IL36B: variants seen among roughly 807,000 people sequenced by gnomAD.
IL36B encodes interleukin 36 beta.
In IL36B, 23 loss-of-function variants were observed where a neutral mutation model predicts 19.3. The observed-to-expected ratio is 1.19, with a 90% CI of 0.86 to 1.69. The LOEUF (loss-of-function observed/expected upper bound fraction) is 1.69, where lower values mean the gene tolerates loss of function less well. Ranked by LOEUF, IL36B falls within the 40% of genes most tolerant of loss-of-function variation. The probability of loss-of-function intolerance (pLI) is 0.00; values close to 1 mark genes in which losing one functional copy is unlikely to be tolerated. For missense variants in IL36B, 217 were observed against 200.5 expected (o/e 1.08, Z -0.50); for synonymous variants, 59 against 59.7 (o/e 0.99, Z 0.05).
At position 113,029,049 on chromosome 2, in the gene IL36B, T is replaced by C. The variant is rs773313455; in HGVS notation, c.151A>G (p.Thr51Ala). ...CCCTTTTCCTTGTCACTGAATTCTG[T>C]GTCTCTACAGGCTATTAAATGAAGA... The change falls in exon 4 of 6, where the codon ACA (threonine) becomes GCA (alanine). Residue 51 changes from threonine to alanine, a missense_variant. Thr to Ala is a moderately conservative substitution (Grantham distance 58). Coordinates refer to ENST00000259213, the MANE Select transcript of IL36B (RefSeq NM_014438.5). The C allele has an allele frequency of 7.4e-6, 12 of 1,613,742 alleles. No homozygotes were observed. The South Asian group carries it at 1.1e-4, about 15-fold the overall frequency.
chr2:113,042,578 G>T (rs1235949457), intron 1 of IL36B, among the ~76,000 whole-genome samples: 1 of 152,120 alleles, frequency 6.6e-6, no homozygotes, highest in Non-Finnish European at 1.5e-5. Context: ...ATATAAAGGG[G>T]ATCCCCCAGT....
At chr2:113,043,603 C>T (rs1348048762) in intron 1 of IL36B, among the ~76,000 whole-genome samples, 1 of 152,156 alleles carries the variant, frequency 6.6e-6, no homozygotes, top group African/African-American at 2.4e-5. Context: ...GCTCTGTCGC[C>T]CAGGCTGGAG....
Position 113,031,770 on chromosome 2 carries a change from T to A in IL36B, c.-57-4A>T. 5.1e-6 allele frequency: 7 copies of A among 1,360,244 alleles called. No individual in the cohort carries two copies. The highest frequency in any genetic ancestry group is 7.3e-6 in the Non-Finnish European group (7 of 955,004). The allele number at this position is 1,360,244 out of a possible 1,614,324, so 84.3% of individuals were successfully genotyped here. A position where few individuals can be genotyped will look rare whatever the true frequency, so the allele number is the denominator to read the frequency against. On this transcript the variant is annotated splice_polypyrimidine_tract_variant and splice_region_variant and intron_variant, in intron 1 of 5. Transcript: ENST00000259213. ...AGATCAGATGGTGGTGAGGAGGCTGTTAACAGTTGGCCATGTGAGAGAAGG... is the reference window on the plus strand; with the variant it reads ...AGATCAGATGGTGGTGAGGAGGCTGATAACAGTTGGCCATGTGAGAGAAGG...
intron 1 of IL36B, among the ~76,000 whole-genome samples, chr2:113,048,168 T>C (rs1299176321): frequency 1.3e-5 from 2 of 152,230 alleles, no homozygotes; most frequent in Non-Finnish European, 2.9e-5. Flanking sequence ...TGGAGAAAGA[T>C]GTATCATGCA....
chr2:113,032,648 A>G (rs1426560330), intron 1 of IL36B, among the ~76,000 whole-genome samples: 1 of 152,226 alleles, frequency 6.6e-6, no homozygotes, highest in Non-Finnish European at 1.5e-5. Context: ...TCTAAGCAGC[A>G]GAAGTTACCT....
rs1573364377 is a variant in IL36B, at chr2:113,026,118, A to G, written c.376T>C (p.Trp126Arg). 1 of 1,613,752 alleles carries G rather than the reference A, an allele frequency of 6.2e-7. No homozygotes were observed. ...TGCTCCTCACCCACTCCTATTCCCCATTGGTCAAGGGTTCCCATGAAGCAG... is the reference window on the plus strand; with the variant it reads ...TGCTCCTCACCCACTCCTATTCCCCGTTGGTCAAGGGTTCCCATGAAGCAG... The change falls in exon 5 of 6, where the codon TGG (tryptophan) becomes CGG (arginine). Residue 126 changes from tryptophan (W) to arginine (R), a missense_variant. By Grantham distance (101) the Trp-to-Arg change is moderately radical (BLOSUM62 -3). Coordinates refer to ENST00000259213, the MANE Select transcript of IL36B (RefSeq NM_014438.5).
chr2:113,024,588 A>C (rs1405401151), intron 5 of IL36B, among the ~76,000 whole-genome samples: 1 of 152,200 alleles, frequency 6.6e-6, no homozygotes. Context: ...AAAATATTTG[A>C]GGACACCTCT....
intron 5 of IL36B, among the ~76,000 whole-genome samples, chr2:113,025,078 C>G: frequency 6.6e-6 from 1 of 152,178 alleles, no homozygotes. Flanking sequence ...AGACTGTGCA[C>G]CGAGCCCTCC....
chr2:113,032,133 CTG>C (rs56385654), intron 1 of IL36B, among the ~76,000 whole-genome samples: 27,379 of 143,792 alleles, frequency 0.19, 2,539 homozygotes, highest in Middle Eastern at 0.27. Flanking sequence ...GTGTGTGTGT[CTG>C]TGTGTGTGTG....
chr2:113,037,447 T>G (rs1291177617), intron 1 of IL36B, among the ~76,000 whole-genome samples: 2 of 152,104 alleles, frequency 1.3e-5, no homozygotes, highest in African/African-American at 4.8e-5. Context: ...GTTGGGAGTT[T>G]GAGACCAGCC....
Position 113,034,380 on chromosome 2 carries a change from G to C in IL36B, c.-57-2614C>G, listed in dbSNP as rs534879122. ...TTCTCAATAAGGTATTCCCCAGCCA[G>C]CCTATCTCCAAGAGTCCCTCACCCA... is the stretch of plus-strand genomic sequence containing the variant. On this transcript the variant is annotated intron_variant, in intron 1 of 5. Transcript: ENST00000259213. Among the ~76,000 whole-genome samples the C allele has an allele frequency of 3.3e-5, 5 of 152,256 alleles. No homozygotes were observed. In the East Asian group the frequency reaches 7.7e-4, roughly 23 times the overall value.
intron 4 of IL36B, chr2:113,026,352 T>C (rs1298464264): frequency 1.4e-6 from 2 of 1,471,930 alleles, no homozygotes; most frequent in East Asian, 2.4e-5. Flanking sequence ...TAAGGTGGGG[T>C]TCAGGAGTAT....
At chr2:113,033,318 G>T (rs1189028975) in intron 1 of IL36B, among the ~76,000 whole-genome samples, 1 of 152,020 alleles carries the variant, frequency 6.6e-6, no homozygotes, top group Non-Finnish European at 1.5e-5. Flanking sequence ...GGAAACTTCC[G>T]CCTCTCAGGT....
At position 113,036,558 on chromosome 2, in the gene IL36B, G is replaced by A. The variant is rs146421122; in HGVS notation, c.-57-4792C>T. Among the ~76,000 whole-genome samples the A allele has an allele frequency of 1.2e-3, 183 of 152,198 alleles. 3 individuals carry two copies. In the East Asian group the frequency reaches 0.024, roughly 20 times the overall value. On this transcript the variant is annotated intron_variant, in intron 1 of 5. Coordinates refer to ENST00000259213, the MANE Select transcript of IL36B (RefSeq NM_014438.5). Reference sequence around the variant, plus strand: ...TTTTCATTCCCAGGTTGGAGATTCTGCCTCAGTCTCTGTCCTTCTGGTGAC... The same window carrying A: ...TTTTCATTCCCAGGTTGGAGATTCTACCTCAGTCTCTGTCCTTCTGGTGAC...
rs745411769 is a variant in IL36B at position 113,022,721 on chromosome 2, CTT to C, written c.446_447del (p.Lys149ArgfsTer42). On this transcript the variant is annotated frameshift_variant, in exon 6 of 6. Coordinates refer to ENST00000259213, the MANE Select transcript of IL36B (RefSeq NM_014438.5). LOFTEE classifies it high-confidence loss of function. Reference sequence around the variant, plus strand: ...ATGTTGGTCCGCATGGATGAGAAATCTTTGTCCTTCTTCCTGAGATGGTGATG... The same window carrying C: ...ATGTTGGTCCGCATGGATGAGAAATCTGTCCTTCTTCCTGAGATGGTGATG... 1.2e-6 allele frequency: 2 copies of C among 1,613,496 alleles called. No homozygotes were observed. Among genetic ancestry groups the C allele is most frequent in the Non-Finnish European group, 1.7e-6 (2 of 1,179,460 alleles).
At chr2:113,046,452 GCCCACCTCGGCC>G (rs1382732735) in intron 1 of IL36B, among the ~76,000 whole-genome samples, 1 of 151,926 alleles carries the variant, frequency 6.6e-6, no homozygotes, top group Non-Finnish European at 1.5e-5. Flanking sequence ...CTCGTGATCC[GCCCACCTCGGCC>G]CCCAAAGTGT....
chr2:113,025,001 G>A (rs1573363716), intron 5 of IL36B, among the ~76,000 whole-genome samples: 1 of 152,310 alleles, frequency 6.6e-6, no homozygotes, highest in East Asian at 1.9e-4. Flanking sequence ...CTTCTCTTGT[G>A]CCCCTATGCT....
chr2:113,032,143 G>GTGTC (rs1399160132), intron 1 of IL36B, among the ~76,000 whole-genome samples: 1 of 151,158 alleles, frequency 6.6e-6, no homozygotes, highest in East Asian at 1.9e-4. Context: ...CTGTGTGTGT[G>GTGTC]TGTGTGTGTG....
chr2:113,031,177 C>G (rs1455512352), intron 2 of IL36B, 22 bp from the exon 3 acceptor site: 2 of 1,533,384 alleles, frequency 1.3e-6, no homozygotes, highest in East Asian at 4.5e-5. Context: ...CAAAAATGCA[C>G]AAAATACACG....
Sources: gnomAD v4.1 joint callset for allele counts (sites outside exome capture counted in the v4.1 genomes callset) on GRCh38, gnomAD v4.1.1 for gene constraint, MANE v1.5 for transcripts, NCBI Gene and HGNC (gene_info 2026-07-23, HGNC 2026-07-21) for gene names.